The following TLK1 variants were observed in gnomAD, a reference collection of about 807,000 sequenced individuals.
TLK1 encodes the protein serine/threonine-protein kinase tousled-like 1.
In TLK1, 24 loss-of-function variants were observed where a neutral mutation model predicts 105.3. That is an observed-to-expected ratio of 0.23 (90% CI 0.17 to 0.32). The LOEUF (loss-of-function observed/expected upper bound fraction) is 0.32, where lower values mean the gene tolerates loss of function less well. Ranked by LOEUF, TLK1 falls within the 10% of genes least tolerant of loss-of-function variation. TLK1 has a pLI of 1.00. For missense variants in TLK1, 558 were observed against 910.5 expected (o/e 0.61, Z 4.98); for synonymous variants, 321 against 310.4 (o/e 1.03, Z -0.36).
chr2:171,078,415 G>A (rs1263285790), intron 3 of TLK1, among the ~76,000 whole-genome samples: 1 of 152,104 alleles, frequency 6.6e-6, no homozygotes, highest in Non-Finnish European at 1.5e-5. Context: ...GCGCACACCT[G>A]TAGTCTCAGC....
chr2:171,177,254 A>G (rs901203605), intron 1 of TLK1, among the ~76,000 whole-genome samples: 1 of 151,974 alleles, frequency 6.6e-6, no homozygotes, highest in Non-Finnish European at 1.5e-5. Flanking sequence ...GGATCCTCCC[A>G]TATCAGTCTC....
intron 8 of TLK1, among the ~76,000 whole-genome samples, chr2:171,052,988 T>G (rs1687314705): frequency 6.6e-6 from 1 of 152,212 alleles, no homozygotes; most frequent in Non-Finnish European, 1.5e-5. Context: ...CAGGCATTAG[T>G]ACTTTCACCC....
intron 10 of TLK1, among the ~76,000 whole-genome samples, chr2:171,047,175 T>C (rs926726337): frequency 6.6e-6 from 1 of 152,090 alleles, no homozygotes; most frequent in South Asian, 2.1e-4. Context: ...TAAAAACGAA[T>C]AGATACCATG....
intron 1 of TLK1, among the ~76,000 whole-genome samples, chr2:171,180,583 G>A (rs530169266): frequency 4.0e-4 from 61 of 152,262 alleles, no homozygotes; most frequent in Middle Eastern, 3.4e-3. Context: ...CATCTTCAGT[G>A]CCATAGGTTA....
intron 1 of TLK1, among the ~76,000 whole-genome samples, chr2:171,223,346 T>C (rs940796210): frequency 1.3e-5 from 2 of 152,200 alleles, no homozygotes; most frequent in Non-Finnish European, 2.9e-5. Flanking sequence ...CCATTTTAAC[T>C]GGGGTGAGAT....
At chr2:171,033,958 G>A (rs1354005275) in intron 11 of TLK1, among the ~76,000 whole-genome samples, 2 of 144,430 alleles carry the variant, frequency 1.4e-5, no homozygotes, top group African/African-American at 5.1e-5. Context: ...ATGAGCAAAA[G>A]ACTTGAATAG....
chr2:171,146,777 C>G (rs1691808461), intron 1 of TLK1, among the ~76,000 whole-genome samples: 1 of 152,180 alleles, frequency 6.6e-6, no homozygotes, highest in African/African-American at 2.4e-5. Flanking sequence ...GGCAGAAATA[C>G]AATTTCCTTC....
intron 1 of TLK1, chr2:171,153,976 A>G (rs560515391): frequency 4.6e-5 from 7 of 152,214 alleles, no homozygotes; most frequent in Non-Finnish European, 8.8e-5. Flanking sequence ...CACTGCATCA[A>G]CTGCAGTCTT....
At chr2:171,221,161 T>C (rs906429184) in intron 1 of TLK1, among the ~76,000 whole-genome samples, 2 of 152,240 alleles carry the variant, frequency 1.3e-5, no homozygotes, top group Non-Finnish European at 2.9e-5. Context: ...GGTTTTGTCA[T>C]AGTTATCCTT....
intron 12 of TLK1, among the ~76,000 whole-genome samples, chr2:171,024,777 G>T (rs915844952): frequency 4.6e-5 from 7 of 152,158 alleles, no homozygotes; most frequent in African/African-American, 1.7e-4. Flanking sequence ...CTCAAAAATG[G>T]TGAAAGCTTC....
At chr2:171,163,462 C>T (rs1692553074), upstream of TLK1, among the ~76,000 whole-genome samples, 1 of 152,124 alleles carries the variant, frequency 6.6e-6, no homozygotes, top group Non-Finnish European at 1.5e-5. Context: ...GCTTAGTCAG[C>T]AGATTGCGGT....
chr2:171,203,614 A>G (rs1402503941), intron 1 of TLK1, among the ~76,000 whole-genome samples: 1 of 152,230 alleles, frequency 6.6e-6, no homozygotes, highest in Non-Finnish European at 1.5e-5. Flanking sequence ...TGGGTGGCTA[A>G]CACATTTTGG....
chr2:171,005,605 G>T (rs1225532980), intron 18 of TLK1, among the ~76,000 whole-genome samples: 2 of 152,134 alleles, frequency 1.3e-5, no homozygotes, highest in East Asian at 3.9e-4. Flanking sequence ...GCATAGTGGT[G>T]CGTACCTGTG....
In TLK1 at chr2:171,059,971, G is replaced by A. The variant is rs145566241; in HGVS notation, c.406+1110C>T. ...CCAATAGGCCAAGGACTGGAAGACC[G>A]GGAGGTTGGGGAACCCTGCAGAAGA... On this transcript the variant is annotated intron_variant, in intron 4 of 20. Coordinates refer to ENST00000431350, the MANE Select transcript of TLK1 (RefSeq NM_012290.5). 9.4e-4 allele frequency: 1,511 copies of A among 1,610,774 alleles called. 16 individuals are homozygous for A. The South Asian group carries it at 0.012, about 13-fold the overall frequency.
intron 8 of TLK1, among the ~76,000 whole-genome samples, chr2:171,050,805 G>A (rs1183142596): frequency 1.3e-5 from 2 of 152,180 alleles, no homozygotes; most frequent in African/African-American, 4.8e-5. Context: ...ACAGTGGCAA[G>A]AGAATAACCT....
At chr2:171,170,961 G>A (rs536804943) in intron 1 of TLK1, among the ~76,000 whole-genome samples, 2 of 151,988 alleles carry the variant, frequency 1.3e-5, no homozygotes, top group South Asian at 4.2e-4. Flanking sequence ...ATATCCAGAG[G>A]GGAAAATACG....
At chr2:171,054,068 G>C (rs1558911829) in intron 7 of TLK1, 1 of 382,294 alleles carries the variant, frequency 2.6e-6, no homozygotes. Context: ...CAATTACTTA[G>C]AATACTGATG....
intron 1 of TLK1, among the ~76,000 whole-genome samples, chr2:171,183,481 A>G (rs1692964981): frequency 6.6e-6 from 1 of 151,988 alleles, no homozygotes. Context: ...CATCTGTTTT[A>G]TCCTTTGTCT....
intron 12 of TLK1, among the ~76,000 whole-genome samples, chr2:171,028,070 C>T (rs943021162): frequency 2.0e-5 from 3 of 152,006 alleles, no homozygotes; most frequent in Admixed American, 6.6e-5. Context: ...GGCTGAAGCA[C>T]GAAAATTGCT....
Sources: allele counts gnomAD v4.1 joint callset (sites outside exome capture counted in the v4.1 genomes callset), GRCh38; gene constraint gnomAD v4.1.1; transcripts MANE v1.5; gene names NCBI Gene and HGNC (gene_info 2026-07-23, HGNC 2026-07-21).